PLCB1: variants seen among roughly 807,000 people sequenced by gnomAD.
The protein encoded by PLCB1 is phospholipase C beta 1, also known as 1-phosphatidylinositol 4,5-bisphosphate phosphodiesterase beta-1.
In PLCB1, 46 loss-of-function variants were observed where a neutral mutation model predicts 161.8. The ratio of observed to expected loss-of-function variants is 0.28; its 90% CI spans 0.22 to 0.36. PLCB1 has a LOEUF of 0.36. Among genes scored for constraint, PLCB1 ranks in the 10% least tolerant of loss-of-function variants. PLCB1 has a pLI of 1.00. For missense variants in PLCB1, 1,016 were observed against 1,472.5 expected (o/e 0.69, Z 5.07); for synonymous variants, 517 against 503.7 (o/e 1.03, Z -0.35).
intron 31 of PLCB1, among the ~76,000 whole-genome samples, chr20:8,800,277 C>T (rs1568604566): frequency 1.3e-5 from 2 of 152,220 alleles, no homozygotes; most frequent in Non-Finnish European, 2.9e-5. Context: ...CATATTCATG[C>T]AGCAAATTCA....
At chr20:8,522,339 A>G (rs1229339889) in intron 3 of PLCB1, among the ~76,000 whole-genome samples, 1 of 152,240 alleles carries the variant, frequency 6.6e-6, no homozygotes, top group Non-Finnish European at 1.5e-5. Flanking sequence ...CTTCTAGGGG[A>G]AACCAATTTA....
chr20:8,721,942 GGATA>G (rs11468441), intron 14 of PLCB1, among the ~76,000 whole-genome samples: 140,069 of 151,734 alleles, frequency 0.92, 64,733 homozygotes, highest in East Asian at 1. Context: ...GATGAAGGAG[GGATA>G]GATAGTATAT....
At chr20:8,756,886 A>G (rs1338960538) in intron 23 of PLCB1, among the ~76,000 whole-genome samples, 160 bp from the exon 24 acceptor site, 1 of 152,162 alleles carries the variant, frequency 6.6e-6, no homozygotes, top group African/African-American at 2.4e-5. Flanking sequence ...ATGGCTCAAC[A>G]CTATGCTGTT....
intron 3 of PLCB1, among the ~76,000 whole-genome samples, chr20:8,388,301 G>A (rs1987490316): frequency 6.6e-6 from 1 of 152,068 alleles, no homozygotes; most frequent in Non-Finnish European, 1.5e-5. Flanking sequence ...GAATCTGGAT[G>A]CCAATATATA....
chr20:8,407,876 G>A (rs1406908978), intron 3 of PLCB1, among the ~76,000 whole-genome samples: 1 of 151,988 alleles, frequency 6.6e-6, no homozygotes. Flanking sequence ...GACAAATCCA[G>A]ATTAAGGGAT....
intron 3 of PLCB1, among the ~76,000 whole-genome samples, chr20:8,529,331 C>T (rs1433693664): frequency 2.6e-5 from 4 of 151,912 alleles, no homozygotes; most frequent in Admixed American, 6.6e-5. Context: ...AATTTTCTCC[C>T]ATGTTATTTT....
At chr20:8,667,953 A>T (rs1045218641) in intron 9 of PLCB1, among the ~76,000 whole-genome samples, 2 of 152,004 alleles carry the variant, frequency 1.3e-5, no homozygotes, top group Admixed American at 6.6e-5. Context: ...AGGGTCTAGG[A>T]GCAGGTTGCA....
intron 30 of PLCB1, 99 bp from the exon 31 acceptor site, chr20:8,790,075 CA>C (rs1489753035): frequency 4.0e-6 from 3 of 752,982 alleles, no homozygotes; most frequent in Non-Finnish European, 6.7e-6. Context: ...ATCAAATAAT[CA>C]AATGTAAGCC....
At chr20:8,325,182 G>C (rs1167416882) in intron 2 of PLCB1, among the ~76,000 whole-genome samples, 1 of 152,094 alleles carries the variant, frequency 6.6e-6, no homozygotes, top group East Asian at 1.9e-4. Flanking sequence ...CTATAGCACT[G>C]GTTTTTCTTG....
intron 2 of PLCB1, among the ~76,000 whole-genome samples, chr20:8,252,450 T>A (rs1399091078): frequency 6.8e-6 from 1 of 147,546 alleles, no homozygotes; most frequent in Admixed American, 6.7e-5. Flanking sequence ...CCCTGCAGAA[T>A]GCTGGAATGG....
chr20:8,245,389 A>G, intron 2 of PLCB1, among the ~76,000 whole-genome samples: 1 of 151,946 alleles, frequency 6.6e-6, no homozygotes, highest in Admixed American at 6.6e-5. Flanking sequence ...ATGATATTAT[A>G]GTATGCAAAC....
At chr20:8,269,104 C>A (rs1168510463) in intron 2 of PLCB1, among the ~76,000 whole-genome samples, 1 of 151,978 alleles carries the variant, frequency 6.6e-6, no homozygotes, top group Non-Finnish European at 1.5e-5. Flanking sequence ...TTTTATTATG[C>A]TTTAATTTCT....
In PLCB1 at chr20:8,716,309, T is replaced by C. The variant is rs781444977; in HGVS notation, c.1296T>C (p.Phe432=). The C allele has an allele frequency of 2.1e-5, 34 of 1,613,974 alleles. No individual in the cohort carries two copies. The South Asian group carries it at 3.1e-4, about 15-fold the overall frequency. Residue 432 remains phenylalanine (F), a synonymous_variant, in exon 13 of 32, where the codon TTT becomes TTC. Coordinates refer to ENST00000338037, the MANE Select transcript of PLCB1 (RefSeq NM_015192.4). The stretch of plus-strand genomic sequence containing the variant: ...TGGCGGAGTACTGCCGACTGATCTT[T>C]GGGGATGCCCTTCTCATGGAGCCCC... ...AKMAEYCRLI[F]GDALLMEPLE...
chr20:8,254,596 G>T (rs1435946920), intron 2 of PLCB1, among the ~76,000 whole-genome samples: 2 of 151,910 alleles, frequency 1.3e-5, no homozygotes, highest in African/African-American at 2.4e-5. Flanking sequence ...TCATATAAAG[G>T]CTTATGTAAT....
chr20:8,457,712 G>A (rs1166567787), intron 3 of PLCB1, among the ~76,000 whole-genome samples: 16 of 70,668 alleles, frequency 2.3e-4, no homozygotes, highest in African/African-American at 7.7e-4. Flanking sequence ...TAATGTGTGC[G>A]CGCACACACA....
At chr20:8,450,680 T>A (rs952455028) in intron 3 of PLCB1, among the ~76,000 whole-genome samples, 18 of 152,236 alleles carry the variant, frequency 1.2e-4, no homozygotes, top group Admixed American at 5.2e-4. Flanking sequence ...TCTTAAGGAC[T>A]CTGTACTTAG....
chr20:8,504,009 T>C (rs1301188187), intron 3 of PLCB1, among the ~76,000 whole-genome samples: 1 of 152,192 alleles, frequency 6.6e-6, no homozygotes. Flanking sequence ...TAGAACACTC[T>C]GACATCCTTA....
chr20:8,729,322 T>C, intron 18 of PLCB1, 148 bp downstream of exon 18: 2 of 542,840 alleles, frequency 3.7e-6, no homozygotes, highest in Non-Finnish European at 5.9e-6. Flanking sequence ...TATCAATGCA[T>C]AAAAAAAGTG....
intron 2 of PLCB1, among the ~76,000 whole-genome samples, chr20:8,168,542 G>T (rs115818432): frequency 1.3e-5 from 2 of 152,118 alleles, no homozygotes; most frequent in East Asian, 1.9e-4. Context: ...AAGTAAAGCC[G>T]CATCCCAACA....
Sources: allele counts gnomAD v4.1 joint callset (sites outside exome capture counted in the v4.1 genomes callset), GRCh38; gene constraint gnomAD v4.1.1; transcripts MANE v1.5; gene names NCBI Gene and HGNC (gene_info 2026-07-23, HGNC 2026-07-21).